Variants in ALG9 observed in about 807,000 individuals in gnomAD.
ALG9 encodes the protein alpha-1,2-mannosyltransferase ALG9.
ALG9 carries 55 observed loss-of-function variants against 81.8 expected under a neutral mutation model. The ratio of observed to expected loss-of-function variants is 0.67; its 90% CI spans 0.54 to 0.84. The LOEUF (loss-of-function observed/expected upper bound fraction) is 0.84. Ranked by LOEUF, ALG9 falls within the 40% of genes least tolerant of loss-of-function variation. The pLI is 0.00. For missense variants in ALG9, 629 were observed against 745.0 expected (o/e 0.84, Z 1.81); for synonymous variants, 278 against 274.3 (o/e 1.01, Z -0.13).
At position 111,821,295 on chromosome 11, in the gene ALG9, C is replaced by G. The variant is rs12575546; in HGVS notation, c.1603-11522G>C. Among the ~76,000 whole-genome samples, 489 of 152,282 alleles carry G rather than the reference C, an allele frequency of 3.2e-3. 15 individuals carry two copies. In the East Asian group the frequency reaches 0.072, roughly 22 times the overall value. ...AGCTCACCTTAACACACCTGCATTACTGTTTGACAGGTGTACTGCCCCAGT... is the reference window on the plus strand; with the variant it reads ...AGCTCACCTTAACACACCTGCATTAGTGTTTGACAGGTGTACTGCCCCAGT... On this transcript the variant is annotated intron_variant, in intron 13 of 14. Transcript: ENST00000616540.
chr11:111,838,127 G>A (rs959355042), intron 11 of ALG9, 122 bp downstream of exon 11: 29 of 1,125,654 alleles, frequency 2.6e-5, no homozygotes, highest in Non-Finnish European at 3.0e-5. Flanking sequence ...AAGTCTACAG[G>A]TTCTCTTTTT....
Position 111,785,894 on chromosome 11 carries a change from T to G in ALG9, c.*503A>C, listed in dbSNP as rs557562612. The G allele has an allele frequency of 2.6e-6, 1 of 383,528 alleles. No homozygotes were observed. The highest frequency in any genetic ancestry group is 7.2e-5 in the East Asian group (1 of 13,942). The allele number at this position is 383,528 out of a possible 1,614,324, so 23.8% of individuals were successfully genotyped here. A position where few individuals can be genotyped will look rare whatever the true frequency, so the allele number is the denominator to read the frequency against. ...AGGACATGTGGGTTGGCAACTAGGC[T>G]GTGTTCATTTTCAGCATGAGGATTT... On this transcript the variant is annotated 3_prime_UTR_variant, in exon 15 of 15. Coordinates refer to ENST00000616540, the MANE Select transcript of ALG9 (RefSeq NM_024740.2).
intron 14 of ALG9, among the ~76,000 whole-genome samples, chr11:111,803,985 GA>G (rs1484113544): frequency 6.6e-6 from 1 of 151,394 alleles, no homozygotes; most frequent in Non-Finnish European, 1.5e-5. Flanking sequence ...ATACCAAAAT[GA>G]GCTGGGCATG....
At chr11:111,819,455 C>A (rs1951980947) in intron 13 of ALG9, among the ~76,000 whole-genome samples, 1 of 152,226 alleles carries the variant, frequency 6.6e-6, no homozygotes, top group East Asian at 1.9e-4. Context: ...AAACAACTGT[C>A]ATCATGAATC....
At chr11:111,845,118 G>A (rs527598376) in intron 8 of ALG9, 9 of 217,022 alleles carry the variant, frequency 4.1e-5, no homozygotes, top group African/African-American at 1.2e-4. Context: ...TCAAGATCGC[G>A]CAGACCAAAG....
the ALG9 span, among the ~76,000 whole-genome samples, chr11:111,774,465 G>T: frequency 9.2e-5 from 14 of 152,328 alleles, no homozygotes; most frequent in Middle Eastern, 3.4e-3. Context: ...ATGCACACAC[G>T]TGCTTGTATA....
rs113252170 is a variant in ALG9, at chr11:111,787,451, A to T, written c.1734-931T>A. On this transcript the variant is annotated intron_variant, in intron 14 of 14. Coordinates refer to ENST00000616540, the MANE Select transcript of ALG9 (RefSeq NM_024740.2). ...CTATCTCAATAAAAATAAATTTTTT[A>T]AAAATTATTTTATTTCTTTTTTTGA... Among the ~76,000 whole-genome samples the T allele has an allele frequency of 7.4e-3, 1,129 of 152,142 alleles. 12 individuals are homozygous for T. Among genetic ancestry groups the T allele is most frequent in the African/African-American group, 0.025 (1,039 of 41,534 alleles).
chr11:111,821,929 C>T (rs1459473755), intron 13 of ALG9, among the ~76,000 whole-genome samples: 2 of 152,062 alleles, frequency 1.3e-5, no homozygotes, highest in Admixed American at 6.6e-5. Context: ...CCACCACGCC[C>T]GGCTACCCAG....
At chr11:111,793,183 T>C (rs1947690997) in intron 14 of ALG9, among the ~76,000 whole-genome samples, 1 of 152,064 alleles carries the variant, frequency 6.6e-6, no homozygotes, top group Non-Finnish European at 1.5e-5. Flanking sequence ...GGTCATACTA[T>C]GTTGCCCAGA....
intron 14 of ALG9, among the ~76,000 whole-genome samples, chr11:111,807,487 T>A (rs1355801887): frequency 6.6e-6 from 1 of 152,224 alleles, no homozygotes; most frequent in Admixed American, 6.5e-5. Flanking sequence ...CCAGCTCTAG[T>A]GGAACTCTCA....
rs1434270465 is a variant in ALG9 at position 111,815,022 on chromosome 11, T to C, written c.1603-5249A>G. ...TAATACTTGACCTCAACGTGGCTTT[T>C]TCTGGCCAGGCACACTACAGGTCTG... is the stretch of plus-strand genomic sequence containing the variant. On this transcript the variant is annotated intron_variant, in intron 13 of 14. Coordinates refer to ENST00000616540, the MANE Select transcript of ALG9 (RefSeq NM_024740.2). Among the ~76,000 whole-genome samples, 23 of 152,272 alleles carry C rather than the reference T, an allele frequency of 1.5e-4. No homozygotes were observed. In the East Asian group the frequency reaches 4.4e-3, roughly 29 times the overall value.
downstream of ALG9, among the ~76,000 whole-genome samples, chr11:111,781,715 T>C (rs1945950048): frequency 6.6e-6 from 1 of 152,240 alleles, no homozygotes; most frequent in Non-Finnish European, 1.5e-5. Context: ...TGGTGCAATC[T>C]TGGCTCACTG....
chr11:111,870,681 T>C, intron 1 of ALG9: 2 of 948,132 alleles, frequency 2.1e-6, no homozygotes, highest in Non-Finnish European at 2.6e-6. Context: ...AATCACTCCT[T>C]CCACTTCCTG....
At chr11:111,821,995 C>T (rs1469912822) in intron 13 of ALG9, among the ~76,000 whole-genome samples, 4 of 152,138 alleles carry the variant, frequency 2.6e-5, no homozygotes, top group Non-Finnish European at 4.4e-5. Context: ...AATCACACTG[C>T]ATTAATACCC....
intron 2 of ALG9, among the ~76,000 whole-genome samples, chr11:111,869,641 A>C (rs1436353064): frequency 5.9e-5 from 9 of 152,218 alleles, no homozygotes; most frequent in Non-Finnish European, 8.8e-5. Context: ...AACCAGCTAA[A>C]TTCCCTACAG....
Position 111,840,804 on chromosome 11 carries a change from T to C in ALG9, c.1024A>G (p.Asn342Asp). The change falls in exon 10 of 15, where the codon AAT becomes GAT. Residue 342 changes from asparagine to aspartate, a missense_variant. Physicochemically the swap from Asn to Asp is conservative, Grantham distance 23. Around this residue, in one of 3 missense-constraint regions of ALG9, gnomAD observed 21 missense variants for 52.4 expected, o/e 0.40. Coordinates refer to ENST00000616540, the MANE Select transcript of ALG9 (RefSeq NM_024740.2). ...GTAAGCCAATACGGGTGGCCTAAAT[T>C]CTGAACTGCAAGACACAGAAAAATA... ...EYLLQRFHVQ[N>D]LGHPYWLTLA... The C allele has an allele frequency of 6.2e-7, 1 of 1,614,120 alleles. No homozygotes were observed. Among genetic ancestry groups the C allele is most frequent in the Non-Finnish European group, 8.5e-7 (1 of 1,179,976 alleles).
At chr11:111,858,214 C>T (rs556799166) in intron 5 of ALG9, among the ~76,000 whole-genome samples, 1 of 152,192 alleles carries the variant, frequency 6.6e-6, no homozygotes, top group Non-Finnish European at 1.5e-5. Flanking sequence ...GGATTACAGG[C>T]GTGAACCACC....
At chr11:111,800,556 T>C (rs1401554333) in intron 14 of ALG9, among the ~76,000 whole-genome samples, 2 of 151,850 alleles carry the variant, frequency 1.3e-5, no homozygotes, top group African/African-American at 4.8e-5. Flanking sequence ...CAGTAAATAC[T>C]TTCTGATCTC....
rs372189166 is a variant in ALG9 at position 111,865,230 on chromosome 11, G to A, written c.427C>T (p.Arg143Ter). 4 of 1,551,592 alleles carry A rather than the reference G, an allele frequency of 2.6e-6. No homozygotes were observed. The highest frequency in any genetic ancestry group is 3.5e-6 in the Non-Finnish European group (4 of 1,147,206). ...TNKILVFYFL[R>*]CLLAFVSCIC... is the part of the protein sequence containing the mutation. ...CAGCTCACAAAAGCCAGAAGACATC[G>A]CAAAAAGTAAAACACAAGAATCTAA... The change falls in exon 4 of 15, where the codon CGA becomes TGA. Residue 143 changes from arginine (R) to a stop codon, truncating the protein, a stop_gained. Coordinates refer to ENST00000616540, the MANE Select transcript of ALG9 (RefSeq NM_024740.2). LOFTEE classifies it high-confidence loss of function.
Sources: gnomAD v4.1 joint callset for allele counts (sites outside exome capture counted in the v4.1 genomes callset) on GRCh38, gnomAD v4.1.1 for gene constraint, gnomAD v4.1.1 regional missense constraint, MANE v1.5 for transcripts, NCBI Gene and HGNC (gene_info 2026-07-23, HGNC 2026-07-21) for gene names.